Variants in STAT1 observed in about 807,000 individuals in gnomAD.
STAT1 encodes signal transducer and activator of transcription 1-alpha/beta.
In STAT1, 24 loss-of-function variants were observed where a neutral mutation model predicts 111.7. That is an observed-to-expected ratio of 0.21 (90% CI 0.16 to 0.30). The LOEUF is 0.30. STAT1 is among the 10% of genes least tolerant of loss of function. STAT1 has a pLI of 1.00. For synonymous variants in STAT1, 332 were observed against 326.5 expected (o/e 1.02, Z -0.18); for missense variants, 351 against 911.9 (o/e 0.38, Z 7.92).
rs1204509101 is a variant in STAT1, at chr2:190,984,346, G to A, written c.1311C>T (p.Thr437=). ...TTACCAAACCAGGCTGGCACAATTG[G>A]GTTTCAAAACTAAGGGAGTGAAGCT... ...TEELHSLSFE[T]QLCQPGLVID... Residue 437 remains threonine (T), a synonymous_variant, in exon 16 of 25, where the codon ACC becomes ACT. Coordinates refer to ENST00000361099, the MANE Select transcript of STAT1 (RefSeq NM_007315.4). This position sits in a 1 kb window ranked among gnomAD's most constrained non-coding sequence, Gnocchi z 5.2. 5 of 1,614,082 alleles carry A rather than the reference G, an allele frequency of 3.1e-6. No individual in the cohort carries two copies. In the South Asian group the frequency reaches 5.5e-5, roughly 18 times the overall value.
In STAT1 at chr2:190,978,363, T is replaced by C. The variant is rs567772993; in HGVS notation, c.1873+493A>G. ...ATAGAAACCCCATATATGATAAAGA[T>C]AAATTTGCAGCTGCTCTGTTTGAAG... is the stretch of plus-strand genomic sequence containing the variant. On this transcript the variant is annotated intron_variant, in intron 21 of 24. Transcript: ENST00000361099. The surrounding 1 kb of genome is among the most constrained non-coding windows in gnomAD (Gnocchi z 6.1). The C allele has an allele frequency of 4.4e-5, 8 of 181,952 alleles. No individual in the cohort carries two copies. Among genetic ancestry groups the C allele is most frequent in the Non-Finnish European group, 7.2e-5 (6 of 83,414 alleles). 11.3% of individuals were successfully genotyped at this position (181,952 alleles called of 1,614,324 possible). A position where few individuals can be genotyped will look rare whatever the true frequency, so the allele number is the denominator to read the frequency against.
Position 190,980,999 on chromosome 2 carries a change from C to G in STAT1, c.1583-330G>C, listed in dbSNP as rs1547550. ...ACATCACAAAGCCTTACCATCTGCT[C>G]TCTCCCTCCCCAGCCCCCCTTTTCC... On this transcript the variant is annotated intron_variant, in intron 18 of 24. Coordinates refer to ENST00000361099, the MANE Select transcript of STAT1 (RefSeq NM_007315.4). This position sits in a 1 kb window ranked among gnomAD's most constrained non-coding sequence, Gnocchi z 6.1. Among the ~76,000 whole-genome samples the G allele has an allele frequency of 0.43, 64,677 of 151,924 alleles. 14,887 individuals carry two copies. The highest frequency in any genetic ancestry group is 0.89 in the East Asian group (4,600 of 5,174).
Position 190,982,287 on chromosome 2 carries a change from T to C in STAT1, c.1582+96A>G, listed in dbSNP as rs1692450051. Reference sequence around the variant, plus strand: ...AAGCTGACAGATTTTAGTACTTTTTTACCTTTAACAAAATAGCAGAGGGGA... The same window carrying C: ...AAGCTGACAGATTTTAGTACTTTTTCACCTTTAACAAAATAGCAGAGGGGA... On this transcript the variant is annotated intron_variant, in intron 18 of 24. Coordinates refer to ENST00000361099, the MANE Select transcript of STAT1 (RefSeq NM_007315.4). The surrounding 1 kb of genome is among the most constrained non-coding windows in gnomAD (Gnocchi z 7.3). 8 of 1,464,124 alleles carry C rather than the reference T, an allele frequency of 5.5e-6. No homozygotes were observed. The highest frequency in any genetic ancestry group is 7.6e-6 in the Non-Finnish European group (8 of 1,049,512). The allele number at this position is 1,464,124 out of a possible 1,614,324, so 90.7% of individuals were successfully genotyped here.
rs1476568378 is a variant in STAT1, at chr2:191,006,422, TG to T, written c.372+1140del. On this transcript the variant is annotated intron_variant, in intron 5 of 24. Coordinates refer to ENST00000361099, the MANE Select transcript of STAT1 (RefSeq NM_007315.4). This position sits in a 1 kb window ranked among gnomAD's most constrained non-coding sequence, Gnocchi z 4.6. The stretch of plus-strand genomic sequence containing the variant: ...TCAGTTCAGCAAGATGCTATCAGTG[TG>T]ACAAGAAGATGGGAACTATACGCCT... 4.6e-5 allele frequency among the ~76,000 whole-genome samples: 7 copies of T among 152,202 alleles called. No homozygotes were observed. The highest frequency in any genetic ancestry group is 1.7e-4 in the African/African-American group (7 of 41,452).
rs979463051 is a variant in STAT1 at position 190,969,253 on chromosome 2, A to G, written c.*1450T>C. 6.6e-6 allele frequency: 1 copy of G among 152,108 alleles called. No homozygotes were observed. 9.4% of individuals were successfully genotyped at this position (152,108 alleles called of 1,614,324 possible). On this transcript the variant is annotated 3_prime_UTR_variant, in exon 25 of 25. Coordinates refer to ENST00000361099, the MANE Select transcript of STAT1 (RefSeq NM_007315.4). Reference sequence around the variant, plus strand: ...TCGCCATCTATATAAAAACTGAGAGAGGAGGCCTCAGATTGTATGCAGTGC... The same window carrying G: ...TCGCCATCTATATAAAAACTGAGAGGGGAGGCCTCAGATTGTATGCAGTGC...
rs758709050 is a variant in STAT1, at chr2:190,998,033, G to T, written c.634-26C>A. 2.9e-5 allele frequency: 47 copies of T among 1,612,422 alleles called. No individual in the cohort carries two copies. Among genetic ancestry groups the T allele is most frequent in the Non-Finnish European group, 4.0e-5 (47 of 1,178,886 alleles). On this transcript the variant is annotated intron_variant, in intron 8 of 24. Transcript: ENST00000361099. This position sits in a 1 kb window ranked among gnomAD's most constrained non-coding sequence, Gnocchi z 4.1. ...CTAAAGGCAATAGAAGAAACAAAGT[G>T]AAATAAATTCATTTTTAATCACTGA...
At chr2:190,991,384 G>T in intron 10 of STAT1, 64 bp from the exon 11 acceptor site, 1 of 1,511,286 alleles carries the variant, frequency 6.6e-7, no homozygotes, top group South Asian at 1.1e-5. Flanking sequence ...CAATCACAAT[G>T]ATTTTCCTGA....
intron 10 of STAT1, among the ~76,000 whole-genome samples, 175 bp from the exon 11 acceptor site, chr2:190,991,495 C>A (rs1693334332): frequency 6.6e-6 from 1 of 152,078 alleles, no homozygotes; most frequent in Admixed American, 6.6e-5. Context: ...AAAGAAATCC[C>A]AAAACCTAAT....
At chr2:191,011,351 A>T (rs1333652843) in intron 2 of STAT1, among the ~76,000 whole-genome samples, 1 of 152,176 alleles carries the variant, frequency 6.6e-6, no homozygotes, top group Non-Finnish European at 1.5e-5. Context: ...CCGTCAGGCA[A>T]TGGGAGCTGC....
At chr2:191,011,822 C>A (rs1695144756) in intron 2 of STAT1, among the ~76,000 whole-genome samples, 1 of 152,088 alleles carries the variant, frequency 6.6e-6, no homozygotes, top group Non-Finnish European at 1.5e-5. Flanking sequence ...GTCAATTAAA[C>A]CTCTTCACTT....
rs1009438589 is a variant in STAT1 at position 190,998,997 on chromosome 2, C to A, written c.541+629G>T. On this transcript the variant is annotated intron_variant, in intron 7 of 24. Transcript: ENST00000361099. This position sits in a 1 kb window ranked among gnomAD's most constrained non-coding sequence, Gnocchi z 4.1. ...ATCTCTGCCTATGAACCATGGTATA[C>A]CCCAGATGATGAATAGAGTAACAGC... is the stretch of plus-strand genomic sequence containing the variant. Among the ~76,000 whole-genome samples, 2 of 152,114 alleles carry A rather than the reference C, an allele frequency of 1.3e-5. No homozygotes were observed. Among genetic ancestry groups the A allele is most frequent in the Non-Finnish European group, 1.5e-5 (1 of 68,016 alleles).
rs1031376922 is a variant in STAT1 at position 191,007,827 on chromosome 2, G to A, written c.274-166C>T. ...GTTAAAATCAAAATATTTCTTTCACGAATTATGACAAAAATTGCTTTAACT... is the reference window on the plus strand; with the variant it reads ...GTTAAAATCAAAATATTTCTTTCACAAATTATGACAAAAATTGCTTTAACT... On this transcript the variant is annotated intron_variant, in intron 4 of 24. Coordinates refer to ENST00000361099, the MANE Select transcript of STAT1 (RefSeq NM_007315.4). The surrounding 1 kb of genome is among the most constrained non-coding windows in gnomAD (Gnocchi z 4.2). 5.9e-5 allele frequency among the ~76,000 whole-genome samples: 9 copies of A among 152,026 alleles called. No individual in the cohort carries two copies. Among genetic ancestry groups the A allele is most frequent in the East Asian group, 3.8e-4 (2 of 5,204 alleles).
In STAT1 at chr2:190,970,631, AAC is replaced by A; in HGVS notation, c.*70_*71del. 2.6e-6 allele frequency: 4 copies of A among 1,522,244 alleles called. No individual in the cohort carries two copies. The allele number at this position is 1,522,244 out of a possible 1,614,324, so 94.3% of individuals were successfully genotyped here. A position where few individuals can be genotyped will look rare whatever the true frequency, so the allele number is the denominator to read the frequency against. ...TCCCTAGAAACACAGGATGTGAAGGAACAGAGTAGCAGGAGGGAATCACAGAT... is the reference window on the plus strand; with the variant it reads ...TCCCTAGAAACACAGGATGTGAAGGAAGAGTAGCAGGAGGGAATCACAGAT... On this transcript the variant is annotated 3_prime_UTR_variant, in exon 25 of 25. Transcript: ENST00000361099. This position sits in a 1 kb window ranked among gnomAD's most constrained non-coding sequence, Gnocchi z 5.4.
chr2:191,010,490 T>C (rs1695039384), intron 2 of STAT1: 1 of 348,566 alleles, frequency 2.9e-6, no homozygotes, highest in South Asian at 2.3e-5. Context: ...CCAATAAATA[T>C]GCCTTTAAAA....
At chr2:190,994,491 G>C (rs916262670) in intron 10 of STAT1, among the ~76,000 whole-genome samples, 1 of 152,022 alleles carries the variant, frequency 6.6e-6, no homozygotes, top group Non-Finnish European at 1.5e-5. Context: ...GAGGAGGTGA[G>C]GCATGTTAGG....
chr2:190,993,696 G>A lies in STAT1; in HGVS notation c.944+1365C>T, dbSNP rs945807481. The A allele has an allele frequency of 6.6e-5, 27 of 412,060 alleles. No homozygotes were observed. Among genetic ancestry groups the A allele is most frequent in the African/African-American group, 5.5e-4 (27 of 48,812 alleles). 25.5% of individuals were successfully genotyped at this position (412,060 alleles called of 1,614,324 possible). On this transcript the variant is annotated intron_variant, in intron 10 of 24. Transcript: ENST00000361099. This position sits in a 1 kb window ranked among gnomAD's most constrained non-coding sequence, Gnocchi z 4.1. ...TTCTGGGAGAGTAAATGTCTTCCCC[G>A]ACTCTGCCCCCTGGAACGCAATCAG...
At chr2:191,011,954 T>C (rs1380155768) in intron 2 of STAT1, among the ~76,000 whole-genome samples, 1 of 151,664 alleles carries the variant, frequency 6.6e-6, no homozygotes, top group Non-Finnish European at 1.5e-5. Flanking sequence ...TCTCGTTATG[T>C]TTCTGAGGCT....
chr2:190,969,298 A>G lies in STAT1; in HGVS notation c.*1405T>C, dbSNP rs563782303. 3 of 152,338 alleles carry G rather than the reference A, an allele frequency of 2.0e-5. No homozygotes were observed. In the South Asian group the frequency reaches 6.2e-4, roughly 32 times the overall value. 9.4% of individuals were successfully genotyped at this position (152,338 alleles called of 1,614,324 possible). A position where few individuals can be genotyped will look rare whatever the true frequency, so the allele number is the denominator to read the frequency against. ...CAGTGCCACGGAAAGCACTGTGTGC[A>G]TATTATATTTAATGCAATACAGATA... On this transcript the variant is annotated 3_prime_UTR_variant, in exon 25 of 25. Coordinates refer to ENST00000361099, the MANE Select transcript of STAT1 (RefSeq NM_007315.4).
rs1463438185 is a variant in STAT1, at chr2:191,012,426, A to AC, written c.-2+1098_-2+1099insG. Among the ~76,000 whole-genome samples the AC allele has an allele frequency of 6.6e-5, 10 of 151,806 alleles. No individual in the cohort carries two copies. The East Asian group carries it at 1.9e-3, about 30-fold the overall frequency. ...GAGAGACTCTGTCTCTAAAAAAAAAAAACAATGAATAAATAAGCTCATGTT... is the reference window on the plus strand; with the variant it reads ...GAGAGACTCTGTCTCTAAAAAAAAAACAACAATGAATAAATAAGCTCATGTT... On this transcript the variant is annotated intron_variant, in intron 2 of 24. Transcript: ENST00000361099. The surrounding 1 kb of genome is among the most constrained non-coding windows in gnomAD (Gnocchi z 4.0).
Sources: gnomAD v4.1 joint callset for allele counts (sites outside exome capture counted in the v4.1 genomes callset) on GRCh38, gnomAD v4.1.1 for gene constraint, Gnocchi (gnomAD v3.1) non-coding constraint, MANE v1.5 for transcripts, NCBI Gene and HGNC (gene_info 2026-07-23, HGNC 2026-07-21) for gene names.